RGS6: variants seen among roughly 807,000 people sequenced by gnomAD.
RGS6 encodes regulator of G-protein signaling 6.
In RGS6, 30 loss-of-function variants were observed where a neutral mutation model predicts 78.5. The ratio of observed to expected loss-of-function variants is 0.38; its 90% CI spans 0.29 to 0.52. RGS6 has a LOEUF of 0.52. RGS6 is among the 20% of genes least tolerant of loss of function. RGS6 has a pLI of 0.85. For missense variants in RGS6, 495 were observed against 609.7 expected, an observed-to-expected ratio of 0.81 and a Z score of 1.98; for synonymous variants, 206 against 206.0, an observed-to-expected ratio of 1.00 and a Z score of 0.00.
intron 12 of RGS6, among the ~76,000 whole-genome samples, chr14:72,487,703 A>G (rs1258174033): frequency 6.6e-6 from 1 of 152,236 alleles, no homozygotes; most frequent in Non-Finnish European, 1.5e-5. Flanking sequence ...ATTCTTCCCT[A>G]GAGCCTCCAG....
chr14:72,236,910 C>A (rs935637781), intron 2 of RGS6, among the ~76,000 whole-genome samples: 1 of 152,208 alleles, frequency 6.6e-6, no homozygotes, highest in East Asian at 1.9e-4. Context: ...GCTTCCCAGA[C>A]GGGGCGGCGG....
At chr14:72,136,145 T>C (rs1322549333) in intron 2 of RGS6, among the ~76,000 whole-genome samples, 1 of 152,178 alleles carries the variant, frequency 6.6e-6, no homozygotes. Flanking sequence ...AAGTCATCGA[T>C]GCAGTGGACT....
At chr14:72,341,076 C>T (rs2152677614) in intron 2 of RGS6, among the ~76,000 whole-genome samples, 2 of 152,246 alleles carry the variant, frequency 1.3e-5, no homozygotes, top group South Asian at 4.2e-4. Flanking sequence ...TTCATTCTCA[C>T]ACTACTATAA....
At chr14:72,246,574 T>C (rs1594761983) in intron 2 of RGS6, among the ~76,000 whole-genome samples, 1 of 152,348 alleles carries the variant, frequency 6.6e-6, no homozygotes, top group East Asian at 1.9e-4. Context: ...CTATGTTTTA[T>C]GTTTGCCATT....
intron 1 of RGS6, among the ~76,000 whole-genome samples, chr14:71,938,054 G>A (rs1287342239): frequency 1.3e-5 from 2 of 152,196 alleles, no homozygotes; most frequent in Non-Finnish European, 2.9e-5. Context: ...CCATTGGGTG[G>A]TGACGGGTGG....
intron 1 of RGS6, among the ~76,000 whole-genome samples, chr14:71,938,742 G>A (rs2089987997): frequency 6.6e-6 from 1 of 152,074 alleles, no homozygotes; most frequent in Non-Finnish European, 1.5e-5. Context: ...TGGCTAGATG[G>A]GTCAGAAAGC....
At chr14:72,324,572 T>C (rs1376764817) in intron 2 of RGS6, among the ~76,000 whole-genome samples, 1 of 149,278 alleles carries the variant, frequency 6.7e-6, no homozygotes, top group South Asian at 2.1e-4. Context: ...GTACTCATTG[T>C]TCAATTCCCA....
At chr14:71,929,516 C>T (rs561867242), upstream of RGS6, among the ~76,000 whole-genome samples, 7 of 152,200 alleles carry the variant, frequency 4.6e-5, 1 homozygote, top group South Asian at 4.2e-4. Context: ...TTTTACCAGT[C>T]GATTAAGATG....
the RGS6 span, among the ~76,000 whole-genome samples, chr14:71,907,912 C>T: frequency 4.6e-5 from 7 of 152,124 alleles, no homozygotes; most frequent in Non-Finnish European, 1.0e-4. Flanking sequence ...GAGAGCAGAT[C>T]AAAGCTAAAT....
At chr14:72,371,908 G>A (rs2083595852) in intron 3 of RGS6, among the ~76,000 whole-genome samples, 1 of 152,214 alleles carries the variant, frequency 6.6e-6, no homozygotes, top group South Asian at 2.1e-4. Flanking sequence ...ATCATGCTCT[G>A]GAGCAACAGT....
chr14:72,362,930 C>T (rs532635665), intron 3 of RGS6, among the ~76,000 whole-genome samples: 11 of 152,254 alleles, frequency 7.2e-5, no homozygotes, highest in East Asian at 1.9e-4. Context: ...AGTCATTCCA[C>T]GTAGAGAAAA....
intron 2 of RGS6, among the ~76,000 whole-genome samples, chr14:72,284,843 G>A (rs894393227): frequency 2.6e-5 from 4 of 152,222 alleles, no homozygotes; most frequent in African/African-American, 7.2e-5. Context: ...AAAGCCACAA[G>A]GGTGGGGCTG....
chr14:72,358,470 G>T (rs766366421), intron 3 of RGS6, among the ~76,000 whole-genome samples: 22 of 152,258 alleles, frequency 1.4e-4, no homozygotes, highest in Admixed American at 1.4e-3. Flanking sequence ...CCAAGATAGT[G>T]GGAGCCCACC....
chr14:71,969,129 C>A (rs1486469641), intron 2 of RGS6, among the ~76,000 whole-genome samples: 1 of 152,196 alleles, frequency 6.6e-6, no homozygotes, highest in Non-Finnish European at 1.5e-5. Flanking sequence ...CCAGCTTCAT[C>A]CATGTCCCTA....
intron 15 of RGS6, among the ~76,000 whole-genome samples, chr14:72,530,094 A>G (rs765323875): frequency 6.6e-5 from 10 of 152,316 alleles, no homozygotes; most frequent in East Asian, 3.9e-4. Flanking sequence ...CAATGAGTCT[A>G]TAAGAATTAG....
chr14:72,605,354 GGCGCTTGC>G, the RGS6 span, among the ~76,000 whole-genome samples: 1 of 152,240 alleles, frequency 6.6e-6, no homozygotes, highest in Non-Finnish European at 1.5e-5. Flanking sequence ...ATGGCAGGCG[GGCGCTTGC>G]ACGCAGAGGA....
chr14:71,967,054 AC>A (rs1367311243), intron 2 of RGS6, among the ~76,000 whole-genome samples: 2 of 151,940 alleles, frequency 1.3e-5, no homozygotes, highest in African/African-American at 4.8e-5. Flanking sequence ...CTTGGTTTTT[AC>A]TTTTTGGTGG....
downstream of RGS6, among the ~76,000 whole-genome samples, chr14:72,570,143 C>T (rs925503958): frequency 6.6e-6 from 1 of 152,108 alleles, no homozygotes; most frequent in Non-Finnish European, 1.5e-5. Flanking sequence ...AAAATAACAA[C>T]AGTAAAAATA....
chr14:72,459,319 A>T (rs1226257336), intron 5 of RGS6, among the ~76,000 whole-genome samples: 1 of 152,206 alleles, frequency 6.6e-6, no homozygotes, highest in Non-Finnish European at 1.5e-5. Flanking sequence ...ACATGGGCTT[A>T]GGTGCCCAGT....
Sources: allele counts gnomAD v4.1 joint callset (sites outside exome capture counted in the v4.1 genomes callset), GRCh38; gene constraint gnomAD v4.1.1; transcripts MANE v1.5; gene names NCBI Gene and HGNC (gene_info 2026-07-23, HGNC 2026-07-21).